The following AGXT2 variants were observed in gnomAD, a reference collection of about 807,000 sequenced individuals.
AGXT2 encodes the protein alanine--glyoxylate aminotransferase 2, also known as alanine--glyoxylate aminotransferase 2, mitochondrial.
AGXT2 carries 61 observed loss-of-function variants against 62.5 expected under a neutral mutation model. The observed-to-expected ratio is 0.98, with a 90% confidence interval of 0.79 to 1.21. AGXT2 has a LOEUF of 1.21. Ranked by LOEUF, AGXT2 falls within the 50% of genes most tolerant of loss-of-function variation. The pLI, the probability that AGXT2 is intolerant of heterozygous loss-of-function variation, is 0.00. For missense variants in AGXT2, 666 were observed against 641.5 expected, an observed-to-expected ratio of 1.04 and a Z score of -0.41; for synonymous variants, 243 against 218.7, an observed-to-expected ratio of 1.11 and a Z score of -0.98.
intron 4 of AGXT2, 97 bp from the exon 5 acceptor site, chr5:35,035,413 T>C (rs78167129): frequency 0.079 from 77,794 of 982,576 alleles, 3,796 homozygotes; most frequent in Non-Finnish European, 0.099. Context: ...CCCTGAGTAT[T>C]AAGGAGAGTT....
Position 35,013,023 on chromosome 5 carries a change from T to A in AGXT2, c.1119A>T (p.Lys373Asn), listed in dbSNP as rs775099568. The A allele has an allele frequency of 1.3e-4, 206 of 1,551,576 alleles. No individual in the cohort carries two copies. The highest frequency in any genetic ancestry group is 1.8e-4 in the Non-Finnish European group (203 of 1,146,990). ...TTPEIAKSLA[K>N]CLQHFNTFGG... Reference sequence around the variant, plus strand: ...CAAAGGTGTTGAAGTGCTGCAGGCATTTCGCCAAAGATTTGGCAATCTCTA... The same window carrying A: ...CAAAGGTGTTGAAGTGCTGCAGGCAATTCGCCAAAGATTTGGCAATCTCTA... Residue 373 changes from lysine to asparagine, a missense_variant, in exon 11 of 14, where the codon AAA (lysine) becomes AAT (asparagine). Lys to Asn is a moderately conservative substitution (Grantham distance 94). Transcript: ENST00000231420.
At chr5:35,026,604 A>AAC in intron 7 of AGXT2, 94 bp from the exon 8 acceptor site, 1 of 1,207,108 alleles carries the variant, frequency 8.3e-7, no homozygotes. Context: ...GAAAAAAAAA[A>AAC]AACAACCAGA....
At chr5:35,011,741 A>G (rs1385973911) in intron 11 of AGXT2, among the ~76,000 whole-genome samples, 3 of 152,142 alleles carry the variant, frequency 2.0e-5, no homozygotes, top group African/African-American at 4.8e-5. Flanking sequence ...AAGTAGTTCT[A>G]TCCTTCGGTC....
intron 12 of AGXT2, among the ~76,000 whole-genome samples, chr5:35,009,273 C>A (rs1219704478): frequency 6.6e-6 from 1 of 151,432 alleles, no homozygotes; most frequent in East Asian, 1.9e-4. Flanking sequence ...AGGTTGAAAT[C>A]CATTCACAAG....
chr5:35,012,016 AGT>A (rs1766661955), intron 11 of AGXT2, among the ~76,000 whole-genome samples: 3 of 151,998 alleles, frequency 2.0e-5, no homozygotes, highest in African/African-American at 7.2e-5. Context: ...GCAACTAATA[AGT>A]GTTCTCACTT....
rs569056210 is a variant in AGXT2 at position 35,028,427 on chromosome 5, G to A, written c.770-1917C>T. On this transcript the variant is annotated intron_variant, in intron 7 of 13. Transcript: ENST00000231420. ...CAAGCCTCACCACACAGACACACAG[G>A]CATGAAATCCTGTGGATGGGAGAGG... Among the ~76,000 whole-genome samples the A allele has an allele frequency of 1.2e-3, 182 of 152,144 alleles. 1 individual carries two copies. Among genetic ancestry groups the A allele is most frequent in the African/African-American group, 4.1e-3 (169 of 41,508 alleles).
intron 1 of AGXT2, among the ~76,000 whole-genome samples, chr5:35,044,593 G>A (rs959226046): frequency 5.3e-5 from 8 of 152,156 alleles, no homozygotes; most frequent in Admixed American, 2.6e-4. Flanking sequence ...GCTTCTTTGC[G>A]TGTGGGGTCC....
chr5:35,019,393 TC>T (rs1262124660), intron 9 of AGXT2, among the ~76,000 whole-genome samples: 2 of 148,848 alleles, frequency 1.3e-5, no homozygotes, highest in African/African-American at 5.0e-5. Context: ...CACAGTGCAA[TC>T]AAACTAGAAC....
intron 7 of AGXT2, among the ~76,000 whole-genome samples, chr5:35,028,155 G>C (rs463290): frequency 0.94 from 142,338 of 151,784 alleles, 67,203 homozygotes; most frequent in Non-Finnish European, 1. Flanking sequence ...AGGGTCAAAG[G>C]GGGCTGCAGT....
chr5:35,045,861 G>A (rs970938885), intron 1 of AGXT2, among the ~76,000 whole-genome samples: 3 of 142,126 alleles, frequency 2.1e-5, no homozygotes, highest in East Asian at 2.2e-4. Flanking sequence ...TCCGACTCCC[G>A]GGTTCAAGCC....
chr5:35,019,630 C>G (rs1422790199), intron 9 of AGXT2, among the ~76,000 whole-genome samples: 1 of 151,994 alleles, frequency 6.6e-6, no homozygotes, highest in Non-Finnish European at 1.5e-5. Context: ...CAGGAAAGAT[C>G]CAAAATTGAC....
Position 35,026,508 on chromosome 5 carries a change from A to T in AGXT2, c.772T>A (p.Cys258Ser). ...ATATACTGATCTTTAGCTTGGCAGC[A>T]GTCTGCAAAAAGCAAACAACAAAAC... ...TIRKCSCAPD[C>S]CQAKDQYIEQ... The change falls in exon 8 of 14, where the codon TGC (cysteine) becomes AGC (serine). Residue 258 changes from cysteine to serine, a missense_variant and splice_region_variant. Transcript: ENST00000231420. 6.2e-7 allele frequency: 1 copy of T among 1,613,406 alleles called. No homozygotes were observed. The highest frequency in any genetic ancestry group is 8.5e-7 in the Non-Finnish European group (1 of 1,179,498).
chr5:35,012,363 CAA>C (rs962216555), intron 11 of AGXT2: 1 of 153,470 alleles, frequency 6.5e-6, no homozygotes, highest in African/African-American at 2.4e-5. Context: ...TTCCTCCCCA[CAA>C]AAAAAACCAT....
At chr5:35,008,537 A>G (rs1766513679) in intron 12 of AGXT2, among the ~76,000 whole-genome samples, 1 of 152,240 alleles carries the variant, frequency 6.6e-6, no homozygotes, top group East Asian at 1.9e-4. Context: ...ACACACTGAA[A>G]TACGTTATGA....
chr5:34,999,538 A>C (rs1407207293), intron 13 of AGXT2, among the ~76,000 whole-genome samples: 2 of 152,180 alleles, frequency 1.3e-5, no homozygotes, highest in Non-Finnish European at 2.9e-5. Flanking sequence ...ATGGCTGAGA[A>C]GAGTTAGAGA....
intron 9 of AGXT2, among the ~76,000 whole-genome samples, chr5:35,019,403 A>ACT (rs1766978709): frequency 6.7e-6 from 1 of 150,028 alleles, no homozygotes; most frequent in South Asian, 2.1e-4. Context: ...TCAAACTAGA[A>ACT]CTCAGGATTA....
At position 35,035,277 on chromosome 5, in the gene AGXT2, G is replaced by A. The variant is rs772232829; in HGVS notation, c.526C>T (p.Leu176=). Reference sequence around the variant, plus strand: ...TGCGCCCTGGCCATCAGCATGGCCAGCTCATTGGCTTCTGAGCCACTGTTC... The same window carrying A: ...TGCGCCCTGGCCATCAGCATGGCCAACTCATTGGCTTCTGAGCCACTGTTC... ...LVNSGSEANE[L]AMLMARAHSN... is the part of the protein sequence containing the mutation. The change falls in exon 5 of 14, where the codon CTG becomes TTG. Residue 176 remains leucine (L), a synonymous_variant. Transcript: ENST00000231420. The A allele has an allele frequency of 3.1e-6, 5 of 1,613,912 alleles. No homozygotes were observed. The Admixed American group carries it at 8.3e-5, about 27-fold the overall frequency.
intron 9 of AGXT2, among the ~76,000 whole-genome samples, chr5:35,021,730 A>C (rs1227204704): frequency 1.3e-5 from 2 of 152,200 alleles, no homozygotes; most frequent in Non-Finnish European, 1.5e-5. Flanking sequence ...AATGGGATCT[A>C]ATTAAACTAA....
In AGXT2 at chr5:35,047,848, G is replaced by T; in HGVS notation, c.45C>A (p.Val15=). The change falls in exon 1 of 14, where the codon GTC becomes GTA. Residue 15 remains valine (V), a synonymous_variant. Transcript: ENST00000231420. ...WRHLLRPLCL[V]TSAPRILEMH... ...TCTCAAGGATCCTGGGAGCGGAAGT[G>T]ACCAGGCACAAGGGTCTCAGCAAAT... is the stretch of plus-strand genomic sequence containing the variant. 1 of 1,614,052 alleles carries T rather than the reference G, an allele frequency of 6.2e-7. No homozygotes were observed. Among genetic ancestry groups the T allele is most frequent in the Non-Finnish European group, 8.5e-7 (1 of 1,180,002 alleles).
Sources: allele counts gnomAD v4.1 joint callset (sites outside exome capture counted in the v4.1 genomes callset), GRCh38; gene constraint gnomAD v4.1.1; transcripts MANE v1.5; gene names NCBI Gene and HGNC (gene_info 2026-07-23, HGNC 2026-07-21).